The following NAPSA variants were observed in gnomAD, a reference collection of about 807,000 sequenced individuals.
NAPSA encodes the protein napsin A aspartic peptidase.
A neutral mutation model predicts 36.7 loss-of-function variants in NAPSA; 37 were observed. The observed-to-expected ratio is 1.01, with a 90% CI of 0.78 to 1.33. The LOEUF is 1.33. NAPSA is among the 40% of genes most tolerant of loss of function. NAPSA has a pLI of 0.00. For synonymous variants in NAPSA, 222 were observed against 234.5 expected, an observed-to-expected ratio of 0.95 and a Z score of 0.49; for missense variants, 532 against 543.8, an observed-to-expected ratio of 0.98 and a Z score of 0.21.
rs1318862163 is a variant in NAPSA at position 50,362,318 on chromosome 19, A to G, written c.84-5T>C. On this transcript the variant is annotated splice_polypyrimidine_tract_variant and splice_region_variant and intron_variant, in intron 1 of 8. Transcript: ENST00000253719. ...TGGACTCGATGAAGAGGGATGCTGT[A>G]GGGAAAGAGGATATTGACAGGAAGC... 9.4e-6 allele frequency: 15 copies of G among 1,593,186 alleles called. No homozygotes were observed. Among genetic ancestry groups the G allele is most frequent in the Non-Finnish European group, 1.3e-5 (15 of 1,169,112 alleles).
upstream of NAPSA, among the ~76,000 whole-genome samples, chr19:50,366,474 T>G (rs190026052): frequency 3.8e-4 from 58 of 152,248 alleles, 1 homozygote; most frequent in Middle Eastern, 0.024. Context: ...TTAGCTTGAA[T>G]TTCTTTGAGT....
chr19:50,367,549 C>CT (rs2037563557), upstream of NAPSA, among the ~76,000 whole-genome samples: 2 of 132,976 alleles, frequency 1.5e-5, no homozygotes, highest in African/African-American at 2.7e-5. Flanking sequence ...TCTCTCTCTC[C>CT]CTCTCTCTCT....
chr19:50,361,170 C>G (rs770100368), intron 4 of NAPSA, 30 bp from the exon 5 acceptor site: 3 of 1,590,210 alleles, frequency 1.9e-6, no homozygotes, highest in South Asian at 1.1e-5. Context: ...TGACCAGTTA[C>G]TTTTGGGAGG....
upstream of NAPSA, chr19:50,365,925 T>A: frequency 3.7e-6 from 1 of 268,008 alleles, no homozygotes; most frequent in Non-Finnish European, 7.1e-6. Context: ...CTGTCAGTTT[T>A]ACTTTTAACT....
upstream of NAPSA, among the ~76,000 whole-genome samples, chr19:50,367,547 T>C (rs4802700): frequency 0.01 from 1,282 of 126,808 alleles, 7 homozygotes; most frequent in Non-Finnish European, 0.012. Flanking sequence ...TCTCTCTCTC[T>C]CCCTCTCTCT....
upstream of NAPSA, chr19:50,369,088 A>T (rs2037584165): frequency 6.6e-6 from 1 of 152,156 alleles, no homozygotes; most frequent in African/African-American, 2.4e-5. Context: ...CGCCCAACAC[A>T]ATCTTTCCCG....
At chr19:50,360,162 G>A (rs1189731921) in intron 5 of NAPSA, among the ~76,000 whole-genome samples, 1 of 152,212 alleles carries the variant, frequency 6.6e-6, no homozygotes, top group East Asian at 1.9e-4. Flanking sequence ...GAGCAGTGGT[G>A]TCTTGGAATT....
chr19:50,359,662 G>A lies in NAPSA; in HGVS notation c.792-15C>T, dbSNP rs974765640. 2.5e-6 allele frequency: 4 copies of A among 1,614,110 alleles called. No homozygotes were observed. The African/African-American group carries it at 5.3e-5, about 22-fold the overall frequency. Reference sequence around the variant, plus strand: ...CCACCTTCACACTGAGGGGGAAGGAGGCAGTCATCAGAGGCAGGGTCCTAG... The same window carrying A: ...CCACCTTCACACTGAGGGGGAAGGAAGCAGTCATCAGAGGCAGGGTCCTAG... On this transcript the variant is annotated splice_polypyrimidine_tract_variant and intron_variant, in intron 6 of 8. Transcript: ENST00000253719.
At chr19:50,358,809 G>A (rs374797931) in intron 8 of NAPSA, 29 bp from the exon 9 acceptor site, 4 of 1,572,548 alleles carry the variant, frequency 2.5e-6, no homozygotes, top group African/African-American at 1.4e-5. Context: ...ACAACTGGGT[G>A]TCGCGGCCAC....
chr19:50,361,049 A>C lies in NAPSA; in HGVS notation c.560T>G (p.Leu187Trp). ...AGACAGAATGGGAAAACCGAGGCCC[A>C]ATATCCCATCAAAATGGGCAAAAGC... ...VFAFAHFDGI[L>W]GLGFPILSVE... The change falls in exon 5 of 9, where the codon TTG becomes TGG. Residue 187 changes from leucine (L) to tryptophan (W), a missense_variant. Around this residue, in one of 3 missense-constraint regions of NAPSA, gnomAD observed 385 missense variants for 371.5 expected, o/e 1.04. Transcript: ENST00000253719. 1 of 1,614,196 alleles carries C rather than the reference A, an allele frequency of 6.2e-7. No individual in the cohort carries two copies. Among genetic ancestry groups the C allele is most frequent in the South Asian group, 1.1e-5 (1 of 91,074 alleles).
upstream of NAPSA, among the ~76,000 whole-genome samples, chr19:50,368,791 C>A (rs2037580426): frequency 6.6e-6 from 1 of 152,230 alleles, no homozygotes; most frequent in Non-Finnish European, 1.5e-5. Flanking sequence ...ATTCCCCAGC[C>A]GCCACCCGTT....
upstream of NAPSA, among the ~76,000 whole-genome samples, chr19:50,367,934 G>T (rs1392668289): frequency 6.6e-6 from 1 of 152,066 alleles, no homozygotes; most frequent in African/African-American, 2.4e-5. Flanking sequence ...GAGGCAGGCG[G>T]ATCACTTGAG....
chr19:50,358,587 C>T lies in NAPSA; in HGVS notation c.1229G>A (p.Trp410Ter), dbSNP rs576186149. 1.6e-5 allele frequency: 26 copies of T among 1,610,322 alleles called. No individual in the cohort carries two copies. The highest frequency in any genetic ancestry group is 2.7e-5 in the African/African-American group (2 of 75,006). The change falls in exon 9 of 9, where the codon TGG (tryptophan) becomes TAG (stop). Residue 410 changes from tryptophan (W) to a stop codon, truncating the protein, a stop_gained. Transcript: ENST00000253719. LOFTEE classifies it low-confidence loss of function (END_TRUNC). ...RARTRGADLG[W>*]GETAQAQFPG ...GAACTGCGCCTGCGCAGTCTCTCCC[C>T]ATCCGAGGTCCGCTCCGCGAGTGCG...
chr19:50,360,836 G>T, intron 5 of NAPSA, 105 bp downstream of exon 5: 1 of 1,128,474 alleles, frequency 8.9e-7, no homozygotes, highest in Non-Finnish European at 1.3e-6. Context: ...GTAAGTGGGT[G>T]ACTCTGAGAA....
upstream of NAPSA, among the ~76,000 whole-genome samples, chr19:50,368,157 CA>C (rs56938224): frequency 0.37 from 23,907 of 64,312 alleles, 2,306 homozygotes; most frequent in Admixed American, 0.41. Context: ...GACTCCCTCT[CA>C]AAAAAAAAAA....
At chr19:50,359,350 T>C in intron 7 of NAPSA, 153 bp downstream of exon 7, 1 of 1,073,376 alleles carries the variant, frequency 9.3e-7, no homozygotes, top group Non-Finnish European at 1.3e-6. Context: ...CCTCAATTCC[T>C]CCACCACCCT....
At position 50,361,784 on chromosome 19, in the gene NAPSA, A is replaced by G. The variant is rs532220200; in HGVS notation, c.350-3T>C. Reference sequence around the variant, plus strand: ...GGGATCAAATCGGTGGTGTAACCCTAGGTTAGAGGTCAGAAAGGTGTCATG... The same window carrying G: ...GGGATCAAATCGGTGGTGTAACCCTGGGTTAGAGGTCAGAAAGGTGTCATG... On this transcript the variant is annotated splice_polypyrimidine_tract_variant and splice_region_variant and intron_variant, in intron 3 of 8. Transcript: ENST00000253719. 2 of 1,613,496 alleles carry G rather than the reference A, an allele frequency of 1.2e-6. No individual in the cohort carries two copies. Among genetic ancestry groups the G allele is most frequent in the East Asian group, 2.2e-5 (1 of 44,854 alleles).
chr19:50,364,777 G>T (rs1223975871), intron 1 of NAPSA, among the ~76,000 whole-genome samples: 2 of 150,450 alleles, frequency 1.3e-5, no homozygotes, highest in African/African-American at 4.9e-5. Flanking sequence ...AAGATCACTT[G>T]AGGTCAGGAG....
intron 1 of NAPSA, 113 bp downstream of exon 1, chr19:50,365,426 C>G: frequency 1.0e-6 from 1 of 955,174 alleles, no homozygotes; most frequent in African/African-American, 1.6e-5. Flanking sequence ...GAAAGAAGCT[C>G]TAGGGATCCT....
Sources: allele counts gnomAD v4.1 joint callset (sites outside exome capture counted in the v4.1 genomes callset), GRCh38; gene constraint gnomAD v4.1.1; regional missense constraint gnomAD v4.1.1; transcripts MANE v1.5; gene names NCBI Gene and HGNC (gene_info 2026-07-23, HGNC 2026-07-21).